The following COX7B2 variants were observed in gnomAD, a reference collection of about 807,000 sequenced individuals.
COX7B2 encodes cytochrome c oxidase subunit 7B2, mitochondrial.
For missense variants in COX7B2, 109 were observed against 95.9 expected, an observed-to-expected ratio of 1.14 and a Z score of -0.57; for synonymous variants, 37 against 32.1, an observed-to-expected ratio of 1.15 and a Z score of -0.51.
intron 2 of COX7B2, among the ~76,000 whole-genome samples, chr4:46,808,406 T>C: frequency 6.6e-6 from 1 of 151,886 alleles, no homozygotes; most frequent in East Asian, 1.9e-4. Flanking sequence ...ATTCATTTAT[T>C]AGTTCTATGA....
intron 1 of COX7B2, among the ~76,000 whole-genome samples, chr4:46,907,190 A>G (rs1560448516): frequency 6.6e-6 from 1 of 152,170 alleles, no homozygotes. Context: ...TACCAATCCT[A>G]TGACATACAA....
chr4:46,797,091 A>T (rs1186179503), intron 2 of COX7B2, among the ~76,000 whole-genome samples: 1 of 84,956 alleles, frequency 1.2e-5, no homozygotes, highest in Non-Finnish European at 2.5e-5. Flanking sequence ...TTAGAGTATA[A>T]TAAAAAAAAA....
intron 2 of COX7B2, among the ~76,000 whole-genome samples, chr4:46,760,081 T>C (rs1435916598): frequency 2.0e-5 from 3 of 152,014 alleles, no homozygotes; most frequent in East Asian, 3.9e-4. Flanking sequence ...GACTGACAAA[T>C]AAAAGCAATA....
chr4:46,836,224 C>G (rs1560411412), intron 2 of COX7B2, among the ~76,000 whole-genome samples: 2 of 152,054 alleles, frequency 1.3e-5, no homozygotes, highest in Admixed American at 1.3e-4. Context: ...CAACATTTTA[C>G]TGTGTGTTTA....
At chr4:46,797,302 C>T (rs533287736) in intron 2 of COX7B2, among the ~76,000 whole-genome samples, 11 of 152,036 alleles carry the variant, frequency 7.2e-5, no homozygotes, top group South Asian at 2.1e-4. Context: ...TCTGAACTGA[C>T]GCAAATTCTA....
intron 1 of COX7B2, among the ~76,000 whole-genome samples, chr4:46,893,352 T>G (rs750647327): frequency 7.2e-5 from 11 of 152,218 alleles, no homozygotes; most frequent in Non-Finnish European, 1.5e-4. Flanking sequence ...CCTCCACGGA[T>G]AAGTTATACC....
At chr4:46,906,377 C>A (rs1374952806) in intron 1 of COX7B2, among the ~76,000 whole-genome samples, 1 of 152,162 alleles carries the variant, frequency 6.6e-6, no homozygotes, top group African/African-American at 2.4e-5. Flanking sequence ...ATTGTACAGA[C>A]CTTGAATAGC....
intron 1 of COX7B2, among the ~76,000 whole-genome samples, chr4:46,869,461 G>A (rs1046543285): frequency 6.6e-6 from 1 of 152,154 alleles, no homozygotes; most frequent in African/African-American, 2.4e-5. Context: ...TTGCTTTATA[G>A]TGACACTGGT....
At chr4:46,866,158 C>A (rs1717650510) in intron 1 of COX7B2, among the ~76,000 whole-genome samples, 1 of 152,186 alleles carries the variant, frequency 6.6e-6, no homozygotes, top group African/African-American at 2.4e-5. Flanking sequence ...TACATGATGC[C>A]ATGTCCAAGG....
intron 2 of COX7B2, among the ~76,000 whole-genome samples, chr4:46,784,018 T>A (rs967587874): frequency 6.6e-6 from 1 of 152,312 alleles, no homozygotes; most frequent in East Asian, 1.9e-4. Context: ...TGTCTGTGTA[T>A]ATCTCATCAA....
intron 2 of COX7B2, among the ~76,000 whole-genome samples, chr4:46,764,283 G>A (rs1391396487): frequency 2.1e-5 from 3 of 144,232 alleles, no homozygotes; most frequent in Admixed American, 1.4e-4. Flanking sequence ...AGTGGCTCAC[G>A]CCTGTAATCT....
chr4:46,894,764 T>A (rs1252437294), intron 1 of COX7B2, among the ~76,000 whole-genome samples: 1 of 152,128 alleles, frequency 6.6e-6, no homozygotes, highest in Non-Finnish European at 1.5e-5. Flanking sequence ...ATACCCAGCA[T>A]CTATAAGGAA....
At chr4:46,902,470 C>T (rs113743730) in intron 1 of COX7B2, among the ~76,000 whole-genome samples, 4,518 of 152,268 alleles carry the variant, frequency 0.03, 81 homozygotes, top group Middle Eastern at 0.12. Flanking sequence ...TATGGTCAGT[C>T]GGCATGGCTG....
intron 1 of COX7B2, among the ~76,000 whole-genome samples, chr4:46,881,137 G>GT (rs1408093192): frequency 2.0e-5 from 3 of 152,172 alleles, no homozygotes. Flanking sequence ...AATTTAGAAA[G>GT]TTTATTTTGC....
intron 1 of COX7B2, among the ~76,000 whole-genome samples, chr4:46,869,118 T>C (rs1717840311): frequency 6.6e-6 from 1 of 152,216 alleles, no homozygotes; most frequent in South Asian, 2.1e-4. Context: ...CCTTTACTAT[T>C]ATGTAATGCC....
At chr4:46,830,465 A>C (rs1475708198) in intron 2 of COX7B2, among the ~76,000 whole-genome samples, 1 of 152,192 alleles carries the variant, frequency 6.6e-6, no homozygotes, top group African/African-American at 2.4e-5. Context: ...TGACTATTTT[A>C]GTCTGGGTAT....
At chr4:46,907,059 A>G (rs1035842532) in intron 1 of COX7B2, among the ~76,000 whole-genome samples, 15 of 152,086 alleles carry the variant, frequency 9.9e-5, no homozygotes, top group Admixed American at 4.6e-4. Flanking sequence ...ACAGTTTCCT[A>G]TTTCCTGACT....
intron 1 of COX7B2, among the ~76,000 whole-genome samples, chr4:46,851,001 C>G (rs555290450): frequency 2.0e-5 from 3 of 152,072 alleles, no homozygotes; most frequent in African/African-American, 7.2e-5. Flanking sequence ...ATACCAAGAA[C>G]ATGAAGCAGT....
chr4:46,788,110 A>C (rs1465897578), intron 2 of COX7B2, among the ~76,000 whole-genome samples: 1 of 152,192 alleles, frequency 6.6e-6, no homozygotes, highest in African/African-American at 2.4e-5. Flanking sequence ...AAGAGAAAAA[A>C]AGTAAAGGAA....
Sources: gnomAD v4.1 joint callset for allele counts (sites outside exome capture counted in the v4.1 genomes callset) on GRCh38, gnomAD v4.1.1 for gene constraint, MANE v1.5 for transcripts, NCBI Gene and HGNC (gene_info 2026-07-23, HGNC 2026-07-21) for gene names.